The following CNTNAP5 variants were observed in gnomAD, a reference collection of about 807,000 sequenced individuals.
The protein encoded by CNTNAP5 is contactin-associated protein-like 5.
In CNTNAP5, 72 loss-of-function variants were observed where a neutral mutation model predicts 150.2. That is an observed-to-expected ratio of 0.48 (90% confidence interval 0.40 to 0.58). The LOEUF (loss-of-function observed/expected upper bound fraction) is 0.58, where lower values mean the gene tolerates loss of function less well. CNTNAP5 is among the 20% of genes least tolerant of loss of function. The pLI is 0.00. For missense variants in CNTNAP5, 1,636 were observed against 1,626.2 expected (o/e 1.01, Z -0.10); for synonymous variants, 672 against 619.8 (o/e 1.08, Z -1.25).
intron 13 of CNTNAP5, among the ~76,000 whole-genome samples, chr2:124,658,644 G>A (rs1678509538): frequency 6.6e-6 from 1 of 152,152 alleles, no homozygotes; most frequent in Non-Finnish European, 1.5e-5. Flanking sequence ...TGCAAAGAAG[G>A]TATGAAACTT....
At chr2:124,700,623 C>A (rs1306917878) in intron 13 of CNTNAP5, among the ~76,000 whole-genome samples, 5 of 152,028 alleles carry the variant, frequency 3.3e-5, no homozygotes, top group African/African-American at 9.7e-5. Flanking sequence ...AACATCCTTT[C>A]ATGGTAAAGG....
chr2:124,550,251 A>G (rs901448307), intron 10 of CNTNAP5, among the ~76,000 whole-genome samples: 2 of 152,146 alleles, frequency 1.3e-5, no homozygotes, highest in African/African-American at 2.4e-5. Flanking sequence ...AAAACCCCAC[A>G]ATTTGCAACC....
chr2:124,190,750 T>C (rs921919961), intron 1 of CNTNAP5, among the ~76,000 whole-genome samples: 1 of 152,204 alleles, frequency 6.6e-6, no homozygotes. Flanking sequence ...AATAATACAG[T>C]TATTAAAAAC....
intron 1 of CNTNAP5, among the ~76,000 whole-genome samples, chr2:124,082,108 G>A (rs1197171737): frequency 6.6e-6 from 1 of 152,060 alleles, no homozygotes; most frequent in Non-Finnish European, 1.5e-5. Flanking sequence ...CCAGCACTTT[G>A]GGAGGCCGAG....
intron 12 of CNTNAP5, among the ~76,000 whole-genome samples, chr2:124,645,164 C>A (rs1363783482): frequency 6.6e-6 from 1 of 152,086 alleles, no homozygotes; most frequent in Non-Finnish European, 1.5e-5. Context: ...GTATGAATAA[C>A]ATTTTAAAAG....
At chr2:124,405,489 G>T (rs1573971027) in intron 3 of CNTNAP5, among the ~76,000 whole-genome samples, 1 of 152,180 alleles carries the variant, frequency 6.6e-6, no homozygotes, top group East Asian at 1.9e-4. Context: ...GAAGTAAAAG[G>T]GTCACTAGAC....
intron 3 of CNTNAP5, among the ~76,000 whole-genome samples, chr2:124,383,682 G>T (rs1023844679): frequency 6.6e-6 from 1 of 152,190 alleles, no homozygotes; most frequent in African/African-American, 2.4e-5. Context: ...CTATTATGAA[G>T]GAGAAGGCTG....
intron 21 of CNTNAP5, among the ~76,000 whole-genome samples, chr2:124,870,320 A>T (rs1345559403): frequency 3.9e-5 from 6 of 151,910 alleles, no homozygotes; most frequent in Non-Finnish European, 8.8e-5. Flanking sequence ...TTATGCTTAA[A>T]TTTATTTTGC....
intron 11 of CNTNAP5, among the ~76,000 whole-genome samples, chr2:124,606,839 A>ACCAGGTTACTCCCACAATTCCC (rs1677232874): frequency 6.6e-6 from 1 of 152,158 alleles, no homozygotes; most frequent in Non-Finnish European, 1.5e-5. Context: ...ATTACCTCGC[A>ACCAGGTTACTCCCACAATTCCC]CCAGGTTCCT....
intron 10 of CNTNAP5, among the ~76,000 whole-genome samples, chr2:124,554,608 G>T (rs961048394): frequency 1.3e-5 from 2 of 151,848 alleles, no homozygotes; most frequent in Non-Finnish European, 2.9e-5. Context: ...TTTTTGTAGA[G>T]ACAGGGTTTC....
chr2:124,651,075 G>T (rs1678310895), intron 13 of CNTNAP5, among the ~76,000 whole-genome samples: 2 of 152,172 alleles, frequency 1.3e-5, no homozygotes, highest in Admixed American at 1.3e-4. Context: ...CCGTTTCCCA[G>T]CGATAGATAC....
At chr2:124,462,239 A>T (rs2104822133) in intron 6 of CNTNAP5, among the ~76,000 whole-genome samples, 1 of 152,250 alleles carries the variant, frequency 6.6e-6, no homozygotes, top group East Asian at 1.9e-4. Context: ...AGAGAAAATC[A>T]ATGTCTGGAG....
At chr2:124,116,195 T>A (rs7573092) in intron 1 of CNTNAP5, among the ~76,000 whole-genome samples, 20,522 of 152,122 alleles carry the variant, frequency 0.13, 1,479 homozygotes, top group Middle Eastern at 0.23. Flanking sequence ...CCAGACTGGA[T>A]AGTAGCTGAG....
intron 3 of CNTNAP5, among the ~76,000 whole-genome samples, chr2:124,298,399 A>G (rs1688493037): frequency 6.6e-6 from 1 of 152,170 alleles, no homozygotes; most frequent in Non-Finnish European, 1.5e-5. Context: ...CTTGGAAAAT[A>G]TCACCAGACC....
At chr2:124,794,938 TCA>T (rs774377010) in intron 18 of CNTNAP5, among the ~76,000 whole-genome samples, 38 of 152,238 alleles carry the variant, frequency 2.5e-4, no homozygotes, top group Non-Finnish European at 4.8e-4. Context: ...AAATAATTGC[TCA>T]GTGTTCAAAT....
At chr2:124,080,105 T>A (rs1202225198) in intron 1 of CNTNAP5, among the ~76,000 whole-genome samples, 2 of 152,182 alleles carry the variant, frequency 1.3e-5, no homozygotes, top group Non-Finnish European at 2.9e-5. Flanking sequence ...AATCATCAAG[T>A]ATTTTCAATT....
intron 11 of CNTNAP5, among the ~76,000 whole-genome samples, chr2:124,581,894 G>T (rs1250860092): frequency 1.3e-5 from 2 of 152,136 alleles, no homozygotes; most frequent in Admixed American, 6.5e-5. Flanking sequence ...CAGTGTCGAT[G>T]GTACCTCAGG....
intron 1 of CNTNAP5, among the ~76,000 whole-genome samples, chr2:124,123,472 TG>T (rs984042763): frequency 6.6e-6 from 1 of 152,164 alleles, no homozygotes; most frequent in East Asian, 1.9e-4. Context: ...ACTCCACCTC[TG>T]GGGACAGGGC....
chr2:124,201,320 A>G (rs568075087), intron 1 of CNTNAP5, among the ~76,000 whole-genome samples: 9 of 152,376 alleles, frequency 5.9e-5, no homozygotes, highest in South Asian at 4.1e-4. Context: ...TGGAAATTGT[A>G]TCAATCACTC....
Sources: allele counts gnomAD v4.1 joint callset (sites outside exome capture counted in the v4.1 genomes callset), GRCh38; gene constraint gnomAD v4.1.1; transcripts MANE v1.5; gene names NCBI Gene and HGNC (gene_info 2026-07-23, HGNC 2026-07-21).